UNC13B: variants seen among roughly 807,000 people sequenced by gnomAD.
The protein encoded by UNC13B is protein unc-13 homolog B.
In UNC13B, 144 loss-of-function variants were observed where a neutral mutation model predicts 211.0. The ratio of observed to expected loss-of-function variants is 0.68; its 90% confidence interval spans 0.60 to 0.78. UNC13B has a LOEUF of 0.78. Ranked by LOEUF, UNC13B falls within the 30% of genes least tolerant of loss-of-function variation. UNC13B has a pLI of 0.00. For missense variants in UNC13B, 1,777 were observed against 2,002.0 expected, an observed-to-expected ratio of 0.89 and a Z score of 2.14; for synonymous variants, 709 against 725.8, an observed-to-expected ratio of 0.98 and a Z score of 0.37.
intron 6 of UNC13B, among the ~76,000 whole-genome samples, chr9:35,248,891 G>A (rs1304747371): frequency 6.6e-6 from 1 of 152,176 alleles, no homozygotes; most frequent in Non-Finnish European, 1.5e-5. Flanking sequence ...GCAGAGCTGA[G>A]TTCAATTCCT....
intron 6 of UNC13B, among the ~76,000 whole-genome samples, chr9:35,252,270 T>G (rs1587471251): frequency 6.6e-6 from 1 of 152,086 alleles, no homozygotes; most frequent in East Asian, 1.9e-4. Flanking sequence ...CATCTAATGG[T>G]TTTAGCTGCA....
rs751894353 is a variant in UNC13B, at chr9:35,381,685, C to T, written c.10621C>T (p.Arg3541Cys). 13 of 1,613,974 alleles carry T rather than the reference C, an allele frequency of 8.1e-6. No homozygotes were observed. The highest frequency in any genetic ancestry group is 3.3e-5 in the Admixed American group (2 of 59,998). The change falls in exon 20 of 40, where the codon CGT (arginine) becomes TGT (cysteine). Residue 3541 changes from arginine to cysteine, a missense_variant. Physicochemically the swap from Arg to Cys is radical, Grantham distance 180. Transcript: ENST00000635942. ...AQEIVDEFAM[R>C]YGIESIYQAM... ...AGAAATTGTGGATGAATTTGCCATG[C>T]GTTATGGCATTGAGTCCATATATCA...
intron 17 of UNC13B, among the ~76,000 whole-genome samples, chr9:35,379,740 A>G (rs1834691839): frequency 6.6e-6 from 1 of 152,218 alleles, no homozygotes. Flanking sequence ...TTTGTCTATT[A>G]TCTTCTCACA....
At chr9:35,212,895 G>A (rs1023433779) in intron 1 of UNC13B, among the ~76,000 whole-genome samples, 2 of 152,150 alleles carry the variant, frequency 1.3e-5, no homozygotes, top group Non-Finnish European at 2.9e-5. Context: ...AAATAGCCCA[G>A]CTAATTTATG....
At chr9:35,394,450 G>A (rs1835745024) in intron 26 of UNC13B, among the ~76,000 whole-genome samples, 1 of 152,122 alleles carries the variant, frequency 6.6e-6, no homozygotes, top group South Asian at 2.1e-4. Flanking sequence ...ACAAACATTA[G>A]CCAGGTGTGC....
chr9:35,201,486 G>A lies in UNC13B; in HGVS notation c.23-26529G>A, dbSNP rs1823284644. Among the ~76,000 whole-genome samples the A allele has an allele frequency of 2.0e-5, 3 of 152,258 alleles. No individual in the cohort carries two copies. The South Asian group carries it at 6.2e-4, about 32-fold the overall frequency. ...GTCCTGGACTTTTTTTGGTTGGTAG[G>A]CTATTAATTAGTGCCTCAATTTCAG... is the stretch of plus-strand genomic sequence containing the variant. On this transcript the variant is annotated intron_variant, in intron 1 of 39. Coordinates refer to ENST00000635942, the MANE Select transcript of UNC13B (RefSeq NM_001371189.2).
At position 35,306,976 on chromosome 9, in the gene UNC13B, A is replaced by G. The variant is rs1179612772; in HGVS notation, c.7572A>G (p.Gln2524=). The G allele has an allele frequency of 5.0e-6, 2 of 399,074 alleles. No individual in the cohort carries two copies. The highest frequency in any genetic ancestry group is 8.8e-6 in the Non-Finnish European group (2 of 226,078). 24.7% of individuals were successfully genotyped at this position (399,074 alleles called of 1,614,324 possible). The change falls in exon 9 of 40, where the codon CAA becomes CAG. Residue 2524 remains glutamine (Q), a synonymous_variant. Coordinates refer to ENST00000635942, the MANE Select transcript of UNC13B (RefSeq NM_001371189.2). ...FKSPKPEPYK[Q]ESSLPATSWL... is the part of the protein sequence containing the mutation. ...GTCCCAAGCCAGAGCCATACAAACA[A>G]GAATCATCTCTCCCAGCTACTTCAT...
chr9:35,364,401 T>A (rs1329434221), intron 11 of UNC13B: 1 of 781,290 alleles, frequency 1.3e-6, no homozygotes, highest in African/African-American at 1.7e-5. Context: ...AGCTGGGCTC[T>A]ATGAACTGCC....
intron 1 of UNC13B, among the ~76,000 whole-genome samples, chr9:35,188,407 T>G (rs1345383227): frequency 6.6e-6 from 1 of 152,242 alleles, no homozygotes; most frequent in African/African-American, 2.4e-5. Flanking sequence ...TAACCTTAAT[T>G]ATAATTGATA....
At chr9:35,393,300 C>T in intron 26 of UNC13B, among the ~76,000 whole-genome samples, 1 of 152,044 alleles carries the variant, frequency 6.6e-6, no homozygotes, top group East Asian at 1.9e-4. Context: ...AGGTGATGTA[C>T]AAGCCGAAAC....
At chr9:35,312,795 G>A (rs575785631) in intron 10 of UNC13B, among the ~76,000 whole-genome samples, 1 of 152,308 alleles carries the variant, frequency 6.6e-6, no homozygotes, top group South Asian at 2.1e-4. Context: ...ATAATGAGTT[G>A]TTCTAATGCA....
intron 7 of UNC13B, among the ~76,000 whole-genome samples, chr9:35,282,475 G>C (rs1161991238): frequency 6.6e-6 from 1 of 152,080 alleles, no homozygotes; most frequent in South Asian, 2.1e-4. Context: ...CTGTCACCCA[G>C]GCTGGAGTGC....
chr9:35,381,368 C>A (rs1217971222), intron 19 of UNC13B, among the ~76,000 whole-genome samples, 153 bp downstream of exon 19: 1 of 152,220 alleles, frequency 6.6e-6, no homozygotes, highest in East Asian at 1.9e-4. Flanking sequence ...AGTGACTGAA[C>A]TCAGACTGCA....
intron 26 of UNC13B, among the ~76,000 whole-genome samples, chr9:35,392,495 G>A (rs1587760652): frequency 1.3e-5 from 2 of 152,128 alleles, no homozygotes; most frequent in Non-Finnish European, 2.9e-5. Context: ...GGCAAGAGAA[G>A]GGGAGGAGTT....
At chr9:35,370,285 T>C in intron 12 of UNC13B, 33 bp from the exon 13 acceptor site, 1 of 1,604,790 alleles carries the variant, frequency 6.2e-7, no homozygotes, top group Non-Finnish European at 8.5e-7. Flanking sequence ...AAAGCAAGAC[T>C]GACGGTCCTG....
At chr9:35,276,844 T>C (rs1397279301) in intron 7 of UNC13B, among the ~76,000 whole-genome samples, 1 of 152,150 alleles carries the variant, frequency 6.6e-6, no homozygotes, top group Non-Finnish European at 1.5e-5. Context: ...TTGTTTTCCC[T>C]CCCACAAAGG....
At chr9:35,245,048 T>A (rs1295830049) in intron 6 of UNC13B, among the ~76,000 whole-genome samples, 1 of 152,180 alleles carries the variant, frequency 6.6e-6, no homozygotes, top group Non-Finnish European at 1.5e-5. Context: ...TGAGCATTTG[T>A]GCTATCTTTG....
chr9:35,312,572 T>C (rs1830230577), intron 10 of UNC13B, among the ~76,000 whole-genome samples: 1 of 152,212 alleles, frequency 6.6e-6, no homozygotes, highest in Non-Finnish European at 1.5e-5. Flanking sequence ...TCTCAGGTCC[T>C]AGCTGTGAGA....
chr9:35,179,324 A>C (rs1314089827), intron 1 of UNC13B, among the ~76,000 whole-genome samples: 4 of 152,188 alleles, frequency 2.6e-5, no homozygotes, highest in Non-Finnish European at 5.9e-5. Flanking sequence ...TGGAGAGTTC[A>C]TTATGGCTCT....
Sources: allele counts gnomAD v4.1 joint callset (sites outside exome capture counted in the v4.1 genomes callset), GRCh38; gene constraint gnomAD v4.1.1; transcripts MANE v1.5; gene names NCBI Gene and HGNC (gene_info 2026-07-23, HGNC 2026-07-21).